The following USP31 variants were observed in gnomAD, a reference collection of about 807,000 sequenced individuals.
USP31 encodes ubiquitin carboxyl-terminal hydrolase 31.
In USP31, 44 loss-of-function variants were observed where a neutral mutation model predicts 119.4. The observed-to-expected ratio is 0.37, with a 90% CI of 0.29 to 0.47. The LOEUF is 0.47. Among genes scored for constraint, USP31 ranks in the 20% least tolerant of loss-of-function variants. The pLI is 0.99. For synonymous variants in USP31, 749 were observed against 705.6 expected, an observed-to-expected ratio of 1.06 and a Z score of -0.97; for missense variants, 1,643 against 1,730.2, an observed-to-expected ratio of 0.95 and a Z score of 0.89.
chr16:23,139,319 T>C (rs940315193), intron 1 of USP31, among the ~76,000 whole-genome samples: 7 of 152,098 alleles, frequency 4.6e-5, no homozygotes, highest in South Asian at 2.1e-4. Flanking sequence ...GGAGAATCAC[T>C]TGAACCTAGG....
rs990334020 is a variant in USP31 at position 23,066,299 on chromosome 16, C to T, written c.*1747G>A. 2.0e-5 allele frequency: 3 copies of T among 152,572 alleles called. No homozygotes were observed. The highest frequency in any genetic ancestry group is 7.2e-5 in the African/African-American group (3 of 41,422). 9.5% of individuals were successfully genotyped at this position (152,572 alleles called of 1,614,324 possible). On this transcript the variant is annotated 3_prime_UTR_variant, in exon 16 of 16. Coordinates refer to ENST00000219689, the MANE Select transcript of USP31 (RefSeq NM_020718.4). Reference sequence around the variant, plus strand: ...CCAAGGGTCTAAAATTCCAGCTACCCTCAACAGTAAGTGGTCTCCAGACTT... The same window carrying T: ...CCAAGGGTCTAAAATTCCAGCTACCTTCAACAGTAAGTGGTCTCCAGACTT...
intron 14 of USP31, 25 bp downstream of exon 14, chr16:23,073,697 G>A: frequency 1.9e-6 from 3 of 1,605,886 alleles, no homozygotes; most frequent in Non-Finnish European, 2.6e-6. Context: ...GGAAAAAACT[G>A]CCCAAGAACA....
In USP31 at chr16:23,068,334, G is replaced by A. The variant is rs560596052; in HGVS notation, c.3771C>T (p.Ser1257=). The A allele has an allele frequency of 6.2e-7, 1 of 1,614,156 alleles. No homozygotes were observed. The highest frequency in any genetic ancestry group is 1.3e-5 in the African/African-American group (1 of 75,048). Reference sequence around the variant, plus strand: ...TGTTCTTACAGACAGACTTAACAGAGCTCCCACCAGCCTTTTTAGAGAGCA... The same window carrying A: ...TGTTCTTACAGACAGACTTAACAGAACTCCCACCAGCCTTTTTAGAGAGCA... ...TALLSKKAGG[S]SVKSVCKNTG... Residue 1257 remains serine (S), a synonymous_variant, in exon 16 of 16, where the codon AGC becomes AGT. Transcript: ENST00000219689.
chr16:23,088,143 C>T (rs1028935673), intron 7 of USP31, among the ~76,000 whole-genome samples: 4 of 152,102 alleles, frequency 2.6e-5, no homozygotes, highest in African/African-American at 2.4e-5. Context: ...GGACATGAGC[C>T]TGGCAAACAG....
chr16:23,130,761 C>A (rs1319240035), intron 1 of USP31, among the ~76,000 whole-genome samples: 1 of 152,138 alleles, frequency 6.6e-6, no homozygotes, highest in East Asian at 1.9e-4. Flanking sequence ...AGCACTATCA[C>A]CCACCACCCC....
At chr16:23,084,799 C>T in intron 11 of USP31, 61 bp downstream of exon 11, 5 of 1,594,936 alleles carry the variant, frequency 3.1e-6, no homozygotes, top group Non-Finnish European at 3.4e-6. Context: ...TCCACTATCA[C>T]CTTGCCATGC....
At chr16:23,123,030 T>C (rs1019822525) in intron 1 of USP31, among the ~76,000 whole-genome samples, 13 of 152,202 alleles carry the variant, frequency 8.5e-5, no homozygotes, top group African/African-American at 2.9e-4. Context: ...TCCATGGTGG[T>C]AGAAGACAGT....
intron 1 of USP31, among the ~76,000 whole-genome samples, chr16:23,121,446 G>C (rs1300242234): frequency 6.6e-6 from 1 of 152,178 alleles, no homozygotes; most frequent in Non-Finnish European, 1.5e-5. Context: ...AACCTTCCCA[G>C]CCTAGGCCTG....
Position 23,148,795 on chromosome 16 carries a change from C to T in USP31, c.476G>A (p.Gly159Asp). The T allele has an allele frequency of 6.5e-7, 1 of 1,538,200 alleles. No individual in the cohort carries two copies. The highest frequency in any genetic ancestry group is 1.2e-5 in the South Asian group (1 of 81,782). ...CTCGGGCCGCCCCGCCCGGTACTGG[C>T]CCAGCGCCAGGTACTCGGCGAAGAG... ...TELFAEYLAL[G>D]QYRAGRPEPS... Residue 159 changes from glycine (G) to aspartate (D), a missense_variant, in exon 1 of 16, where the codon GGC becomes GAC. Gly to Asp is a moderately conservative substitution (Grantham distance 94). Transcript: ENST00000219689.
chr16:23,078,072 G>C (rs1042679797), intron 13 of USP31, among the ~76,000 whole-genome samples: 96 of 152,190 alleles, frequency 6.3e-4, no homozygotes, highest in Middle Eastern at 3.4e-3. Context: ...CCAGCACTTT[G>C]GGAGGCCAAG....
intron 13 of USP31, among the ~76,000 whole-genome samples, chr16:23,076,378 T>G (rs951974293): frequency 6.6e-6 from 1 of 151,790 alleles, no homozygotes; most frequent in Non-Finnish European, 1.5e-5. Context: ...AAACTAAGAC[T>G]CTAAACATCT....
chr16:23,142,709 T>G (rs1369970765), intron 1 of USP31, among the ~76,000 whole-genome samples: 2 of 152,198 alleles, frequency 1.3e-5, no homozygotes, highest in African/African-American at 4.8e-5. Context: ...ACTTCATGAT[T>G]CTATCAACTT....
At chr16:23,142,260 A>C (rs1903373773) in intron 1 of USP31, among the ~76,000 whole-genome samples, 1 of 152,206 alleles carries the variant, frequency 6.6e-6, no homozygotes, top group African/African-American at 2.4e-5. Context: ...CTCAAAGCTT[A>C]CTGGAGAGAG....
chr16:23,128,044 C>A (rs975835850), intron 1 of USP31, among the ~76,000 whole-genome samples: 2 of 152,120 alleles, frequency 1.3e-5, no homozygotes, highest in Non-Finnish European at 2.9e-5. Context: ...GGATTTTCAG[C>A]ATGGGAGGAA....
At position 23,148,848 on chromosome 16, in the gene USP31, G is replaced by C. The variant is rs1903615814; in HGVS notation, c.423C>G (p.Ala141=). 6.5e-7 allele frequency: 1 copy of C among 1,528,806 alleles called. No individual in the cohort carries two copies. Among genetic ancestry groups the C allele is most frequent in the Middle Eastern group, 1.7e-4 (1 of 5,792 alleles). 94.7% of individuals were successfully genotyped at this position (1,528,806 alleles called of 1,614,324 possible). Residue 141 remains alanine, a synonymous_variant, in exon 1 of 16, where the codon GCC becomes GCG. Transcript: ENST00000219689. ...CGGTGTTGCTGAGGCACTGCAGCGTGGCGTTCATGAAGCACGTGTTGCCGT... is the reference window on the plus strand; with the variant it reads ...CGGTGTTGCTGAGGCACTGCAGCGTCGCGTTCATGAAGCACGTGTTGCCGT... ...RNHGNTCFMN[A]TLQCLSNTEL... is the part of the protein sequence containing the mutation.
intron 2 of USP31, among the ~76,000 whole-genome samples, chr16:23,106,903 G>A (rs766903826): frequency 7.9e-5 from 12 of 152,066 alleles, no homozygotes; most frequent in Non-Finnish European, 1.6e-4. Flanking sequence ...ACTTGAGGTC[G>A]GGAGTTCGAG....
chr16:23,115,436 T>C (rs1902457557), intron 1 of USP31, among the ~76,000 whole-genome samples: 3 of 152,290 alleles, frequency 2.0e-5, no homozygotes, highest in East Asian at 1.9e-4. Flanking sequence ...GGCAGGAGGA[T>C]GGCTTGAGCC....
rs1900150736 is a variant in USP31, at chr16:23,067,979, G to A, written c.*67C>T. 6.6e-7 allele frequency: 1 copy of A among 1,522,888 alleles called. No individual in the cohort carries two copies. The highest frequency in any genetic ancestry group is 1.4e-5 in the African/African-American group (1 of 72,024). The allele number at this position is 1,522,888 out of a possible 1,614,324, so 94.3% of individuals were successfully genotyped here. A position where few individuals can be genotyped will look rare whatever the true frequency, so the allele number is the denominator to read the frequency against. Reference sequence around the variant, plus strand: ...ACAAAACAAAAGCACAGGAGGCTTTGGTGGGAGGGCAGGGGTTCTAAATAA... The same window carrying A: ...ACAAAACAAAAGCACAGGAGGCTTTAGTGGGAGGGCAGGGGTTCTAAATAA... On this transcript the variant is annotated 3_prime_UTR_variant, in exon 16 of 16. Coordinates refer to ENST00000219689, the MANE Select transcript of USP31 (RefSeq NM_020718.4).
Position 23,149,310 on chromosome 16 carries a change from C to T in USP31, c.-40G>A. On this transcript the variant is annotated 5_prime_UTR_variant, in exon 1 of 16. Coordinates refer to ENST00000219689, the MANE Select transcript of USP31 (RefSeq NM_020718.4). ...ACACTCATCACCGCGCCCGCCCGCC[C>T]GGCCCGCGGCCCCGCCACGGCCGCC... 1 of 1,027,136 alleles carries T rather than the reference C, an allele frequency of 9.7e-7. No individual in the cohort carries two copies. Among genetic ancestry groups the T allele is most frequent in the Non-Finnish European group, 1.2e-6 (1 of 858,930 alleles). The allele number at this position is 1,027,136 out of a possible 1,614,324, so 63.6% of individuals were successfully genotyped here. A position where few individuals can be genotyped will look rare whatever the true frequency, so the allele number is the denominator to read the frequency against.
Sources: gnomAD v4.1 joint callset for allele counts (sites outside exome capture counted in the v4.1 genomes callset) on GRCh38, gnomAD v4.1.1 for gene constraint, MANE v1.5 for transcripts, NCBI Gene and HGNC (gene_info 2026-07-23, HGNC 2026-07-21) for gene names.